PGBD2: variants seen among roughly 807,000 people sequenced by gnomAD.
PGBD2 encodes the protein piggyBac transposable element derived 2.
PGBD2 carries 6 observed loss-of-function variants against 8.1 expected under a neutral mutation model. The ratio of observed to expected loss-of-function variants is 0.74; its 90% CI spans 0.40 to 1.46. The LOEUF (loss-of-function observed/expected upper bound fraction) is 1.46, where lower values mean the gene tolerates loss of function less well. Ranked by LOEUF, PGBD2 falls within the 40% of genes most tolerant of loss-of-function variation. The probability of loss-of-function intolerance (pLI) is 0.02; values close to 1 mark genes in which losing one functional copy is unlikely to be tolerated. For missense variants in PGBD2, 802 were observed against 739.0 expected (o/e 1.09, Z -0.99); for synonymous variants, 318 against 272.2 (o/e 1.17, Z -1.66).
rs6691273 is a variant in PGBD2 at position 248,911,696 on chromosome 1, T to A, written c.-47-2120T>A. Among the ~76,000 whole-genome samples, 6 of 141,508 alleles carry A rather than the reference T, an allele frequency of 4.2e-5. No homozygotes were observed. The East Asian group carries it at 6.1e-4, about 14-fold the overall frequency. 92.8% of individuals were successfully genotyped at this position (141,508 alleles called of 152,430 possible). On this transcript the variant is annotated intron_variant, in intron 1 of 2. Coordinates refer to ENST00000329291, the MANE Select transcript of PGBD2 (RefSeq NM_170725.3). ...CTCCTCACTTCCCAGTAGGGGCGGC[T>A]GGGCAGAGGCGCCCCTCACCTCCCG...
the PGBD2 span, among the ~76,000 whole-genome samples, chr1:248,877,436 A>G: frequency 6.6e-6 from 1 of 152,206 alleles, no homozygotes; most frequent in East Asian, 1.9e-4. Flanking sequence ...GGCTGGGACT[A>G]CAAGCATGCA....
chr1:248,893,917 AATTG>A, the PGBD2 span, among the ~76,000 whole-genome samples: 4 of 152,080 alleles, frequency 2.6e-5, no homozygotes, highest in South Asian at 4.2e-4. Flanking sequence ...CTTTTTTGTT[AATTG>A]ATTGATTGAT....
the PGBD2 span, among the ~76,000 whole-genome samples, chr1:248,874,431 T>C: frequency 2.6e-5 from 4 of 152,218 alleles, no homozygotes; most frequent in Non-Finnish European, 1.5e-5. Context: ...GTCCTCATTT[T>C]GCAGAGTAGT....
At position 248,916,973 on chromosome 1, in the gene PGBD2, A is replaced by G. The variant is rs1166562096; in HGVS notation, c.389A>G (p.His130Arg). Residue 130 changes from histidine (H) to arginine (R), a missense_variant, in exon 3 of 3, where the codon CAT becomes CGT. Coordinates refer to ENST00000329291, the MANE Select transcript of PGBD2 (RefSeq NM_170725.3). ...DFGSWTASDP[H>R]IEDLKSQELS... ...GGCAGTTGGACTGCATCAGATCCTC[A>G]TATTGAGGATCTGAAAAGCCAAGAG... 2 of 1,612,688 alleles carry G rather than the reference A, an allele frequency of 1.2e-6. No individual in the cohort carries two copies. The highest frequency in any genetic ancestry group is 2.2e-5 in the South Asian group (2 of 90,868).
chr1:248,896,223 C>G, the PGBD2 span, among the ~76,000 whole-genome samples: 3 of 152,036 alleles, frequency 2.0e-5, no homozygotes, highest in Non-Finnish European at 4.4e-5. Flanking sequence ...TAAATAGGCT[C>G]CCTGGTTCTC....
At chr1:248,881,460 A>G in the PGBD2 span, among the ~76,000 whole-genome samples, 1 of 152,164 alleles carries the variant, frequency 6.6e-6, no homozygotes, top group Non-Finnish European at 1.5e-5. Context: ...AATGTTTTGA[A>G]TTGGTATTGT....
chr1:248,890,127 A>G, the PGBD2 span, among the ~76,000 whole-genome samples: 1 of 152,008 alleles, frequency 6.6e-6, no homozygotes, highest in East Asian at 1.9e-4. Flanking sequence ...GGGTTTCTCC[A>G]TGTTGGTCAT....
chr1:248,911,650 G>GT (rs1467711317), intron 1 of PGBD2, among the ~76,000 whole-genome samples: 3 of 148,674 alleles, frequency 2.0e-5, no homozygotes, highest in African/African-American at 2.6e-5. Flanking sequence ...CCCAGACGGG[G>GT]CGGCTGGCCG....
the PGBD2 span, among the ~76,000 whole-genome samples, chr1:248,894,679 T>TTCCCTCCC: frequency 6.9e-6 from 1 of 144,598 alleles, no homozygotes; most frequent in South Asian, 2.2e-4. Flanking sequence ...TTTCCCTTTC[T>TTCCCTCCC]TCCCTCCCTC....
chr1:248,904,983 GAAGACAC>G (rs1661594501), upstream of PGBD2, among the ~76,000 whole-genome samples: 2 of 152,162 alleles, frequency 1.3e-5, no homozygotes, highest in Admixed American at 6.5e-5. Flanking sequence ...TTGTCACAGA[GAAGACAC>G]TCATTTAACA....
At chr1:248,913,981 C>T in intron 2 of PGBD2, 102 bp downstream of exon 2, 2 of 966,410 alleles carry the variant, frequency 2.1e-6, no homozygotes, top group African/African-American at 1.6e-5. Context: ...CTCAGTATAA[C>T]AGTTGGTGTC....
the PGBD2 span, among the ~76,000 whole-genome samples, chr1:248,878,002 G>A: frequency 1.4e-3 from 209 of 152,280 alleles, no homozygotes; most frequent in Middle Eastern, 6.8e-3. Context: ...ACAAACCTAG[G>A]TCTAGTGAGA....
chr1:248,902,618 T>G (rs902212678), upstream of PGBD2, among the ~76,000 whole-genome samples: 2 of 152,166 alleles, frequency 1.3e-5, no homozygotes, highest in Non-Finnish European at 2.9e-5. Flanking sequence ...AGTGATAGAC[T>G]GGATAAAGAA....
intron 2 of PGBD2, chr1:248,914,667 A>T: frequency 8.6e-7 from 1 of 1,160,606 alleles, no homozygotes; most frequent in Non-Finnish European, 1.1e-6. Context: ...AGCTGCAGGG[A>T]CCTCTGTGCC....
rs753193826 is a variant in PGBD2, at chr1:248,917,772, T to C, written c.1188T>C (p.Gly396=). 1.2e-6 allele frequency: 2 copies of C among 1,613,888 alleles called. No homozygotes were observed. The highest frequency in any genetic ancestry group is 1.7e-6 in the Non-Finnish European group (2 of 1,179,980). ...AAGAACTGAAAAAAATGAAGAGGGG[T>C]TCATTTGATTACAAAGTCGATGAGA... ...DPKELKKMKR[G]SFDYKVDESE... The change falls in exon 3 of 3, where the codon GGT becomes GGC. Residue 396 remains glycine (G), a synonymous_variant. Coordinates refer to ENST00000329291, the MANE Select transcript of PGBD2 (RefSeq NM_170725.3).
chr1:248,916,501 T>C, intron 2 of PGBD2, 101 bp from the exon 3 acceptor site: 1 of 946,576 alleles, frequency 1.1e-6, no homozygotes, highest in Non-Finnish European at 1.6e-6. Flanking sequence ...GTGAAGCCAT[T>C]CAAGTGGAAG....
downstream of PGBD2, chr1:248,919,262 CCTT>C (rs1253319975): frequency 1.2e-5 from 2 of 166,928 alleles, no homozygotes; most frequent in Non-Finnish European, 2.9e-5. Flanking sequence ...GCTCTGGTAA[CCTT>C]CTTTCCACTC....
intron 2 of PGBD2, among the ~76,000 whole-genome samples, chr1:248,916,344 G>C (rs1370897702): frequency 2.0e-5 from 3 of 152,110 alleles, no homozygotes; most frequent in Non-Finnish European, 4.4e-5. Context: ...AACCCAGGAG[G>C]CGGAGGTTGC....
At chr1:248,910,529 G>A (rs1310381744) in intron 1 of PGBD2, among the ~76,000 whole-genome samples, 2 of 152,160 alleles carry the variant, frequency 1.3e-5, no homozygotes, top group East Asian at 3.8e-4. Flanking sequence ...TTCCAAAATC[G>A]CACAGCTCAT....
Sources: allele counts gnomAD v4.1 joint callset (sites outside exome capture counted in the v4.1 genomes callset), GRCh38; gene constraint gnomAD v4.1.1; transcripts MANE v1.5; gene names NCBI Gene and HGNC (gene_info 2026-07-23, HGNC 2026-07-21).